Variants in NEK4 observed in about 807,000 individuals in gnomAD.
The protein encoded by NEK4 is serine/threonine-protein kinase Nek4.
Under a neutral mutation model 98.4 loss-of-function variants are expected in NEK4, and 86 were observed. That is an observed-to-expected ratio of 0.87 (90% CI 0.73 to 1.05). The LOEUF is 1.05. Ranked by LOEUF, NEK4 falls within the 50% of genes least tolerant of loss-of-function variation. The pLI, the probability that NEK4 is intolerant of heterozygous loss-of-function variation, is 0.00. For synonymous variants in NEK4, 328 were observed against 342.2 expected, an observed-to-expected ratio of 0.96 and a Z score of 0.46; for missense variants, 898 against 950.3, an observed-to-expected ratio of 0.94 and a Z score of 0.72.
chr3:52,739,242 T>C (rs773842267), intron 14 of NEK4, among the ~76,000 whole-genome samples, 187 bp downstream of exon 14: 5 of 151,946 alleles, frequency 3.3e-5, no homozygotes, highest in Non-Finnish European at 5.9e-5. Context: ...CTACCAAAAA[T>C]ACAAAAATTA....
At chr3:52,767,140 G>A (rs1434922944) in intron 2 of NEK4, among the ~76,000 whole-genome samples, 1 of 151,472 alleles carries the variant, frequency 6.6e-6, no homozygotes, top group Non-Finnish European at 1.5e-5. Flanking sequence ...ACAAAAATTA[G>A]CTGGGCATGG....
chr3:52,718,790 G>A (rs919890298), intron 15 of NEK4, among the ~76,000 whole-genome samples: 3 of 152,092 alleles, frequency 2.0e-5, no homozygotes, highest in African/African-American at 7.2e-5. Flanking sequence ...TTCCGCTCTC[G>A]TTGCCCAGGC....
intron 13 of NEK4, among the ~76,000 whole-genome samples, 198 bp downstream of exon 13, chr3:52,741,204 CCAGCCTGGG>C (rs1163340758): frequency 1.4e-5 from 2 of 147,476 alleles, no homozygotes; most frequent in Non-Finnish European, 3.0e-5. Context: ...CCACTGCACT[CCAGCCTGGG>C]CAACAAGAGC....
intron 6 of NEK4, chr3:52,754,649 C>CT (rs769060530): frequency 1.2e-4 from 82 of 682,558 alleles, no homozygotes; most frequent in Non-Finnish European, 1.7e-4. Context: ...TAAAGCCTGG[C>CT]TCAGTACAAT....
At chr3:52,754,557 G>A in intron 6 of NEK4, 2 of 1,346,718 alleles carry the variant, frequency 1.5e-6, no homozygotes, top group South Asian at 1.2e-5. Context: ...TTCTGTACAT[G>A]ATGAAGCCAG....
intron 15 of NEK4, among the ~76,000 whole-genome samples, chr3:52,727,704 C>T (rs753849886): frequency 1.3e-5 from 2 of 152,058 alleles, no homozygotes; most frequent in Non-Finnish European, 2.9e-5. Context: ...CTCCTGACCT[C>T]AAGTGATCCA....
At chr3:52,735,284 T>C (rs1436029700) in intron 15 of NEK4, among the ~76,000 whole-genome samples, 1 of 152,276 alleles carries the variant, frequency 6.6e-6, no homozygotes, top group Non-Finnish European at 1.5e-5. Flanking sequence ...TTAAAACATT[T>C]GTTAGAGCGA....
In NEK4 at chr3:52,770,656, G is replaced by A; in HGVS notation, c.91C>T (p.Gln31Ter). The A allele has an allele frequency of 6.4e-7, 1 of 1,552,522 alleles. No individual in the cohort carries two copies. Among genetic ancestry groups the A allele is most frequent in the Non-Finnish European group, 8.7e-7 (1 of 1,148,630 alleles). ...TLVKHRRDGK[Q>*]YVIKKLNLRN... ...TGCCGGGCCCCACCCCTGCAGACCTGCTTGCCGTCCCGCCGGTGCTTCACA... is the reference window on the plus strand; with the variant it reads ...TGCCGGGCCCCACCCCTGCAGACCTACTTGCCGTCCCGCCGGTGCTTCACA... The change falls in exon 1 of 16, where the codon CAG becomes TAG. Residue 31 changes from glutamine (Q) to a stop codon, truncating the protein, a stop_gained and splice_region_variant. Transcript: ENST00000233027. LOFTEE classifies it high-confidence loss of function.
intron 15 of NEK4, among the ~76,000 whole-genome samples, chr3:52,726,041 G>A (rs893186086): frequency 6.6e-6 from 1 of 151,918 alleles, no homozygotes; most frequent in African/African-American, 2.4e-5. Context: ...CACATAAATT[G>A]TAACCAAAGG....
chr3:52,710,067 A>T lies in NEK4; in HGVS notation c.*1710T>A, dbSNP rs1328395192. On this transcript the variant is annotated 3_prime_UTR_variant, in exon 16 of 16. Transcript: ENST00000233027. Reference sequence around the variant, plus strand: ...CTGGCACACAGTAAACTCTAAATAAAAATCTGTTAAGTGTGCCGGGCGCGG... The same window carrying T: ...CTGGCACACAGTAAACTCTAAATAATAATCTGTTAAGTGTGCCGGGCGCGG... 5 of 152,260 alleles carry T rather than the reference A, an allele frequency of 3.3e-5. No individual in the cohort carries two copies. The highest frequency in any genetic ancestry group is 1.2e-4 in the African/African-American group (5 of 41,438). 9.4% of individuals were successfully genotyped at this position (152,260 alleles called of 1,614,324 possible). A position where few individuals can be genotyped will look rare whatever the true frequency, so the allele number is the denominator to read the frequency against.
chr3:52,760,239 CAG>C (rs968359636), intron 6 of NEK4, among the ~76,000 whole-genome samples: 3 of 151,958 alleles, frequency 2.0e-5, no homozygotes, highest in African/African-American at 7.3e-5. Flanking sequence ...ATTTTTGAGA[CAG>C]TGTCTCATTC....
intron 15 of NEK4, among the ~76,000 whole-genome samples, chr3:52,726,229 T>G (rs921137227): frequency 1.3e-5 from 2 of 152,162 alleles, no homozygotes; most frequent in Non-Finnish European, 2.9e-5. Flanking sequence ...AAACAAACCA[T>G]GACTAATAGT....
At position 52,735,137 on chromosome 3, in the gene NEK4, T is replaced by C. The variant is rs77464914; in HGVS notation, c.2433+2449A>G. On this transcript the variant is annotated intron_variant, in intron 15 of 15. Transcript: ENST00000233027. ...GTATATATGAATTCTTTGAAAAGTATACTACTTTTATTTCTACTAATTTTA... is the reference window on the plus strand; with the variant it reads ...GTATATATGAATTCTTTGAAAAGTACACTACTTTTATTTCTACTAATTTTA... 1.4e-3 allele frequency: 209 copies of C among 153,546 alleles called. 1 individual carries two copies. Among genetic ancestry groups the C allele is most frequent in the Non-Finnish European group, 2.0e-3 (140 of 68,306 alleles). The allele number at this position is 153,546 out of a possible 1,614,324, so 9.5% of individuals were successfully genotyped here.
rs562822812 is a variant in NEK4 at position 52,753,306 on chromosome 3, A to G, written c.964-970T>C. Among the ~76,000 whole-genome samples, 16 of 152,220 alleles carry G rather than the reference A, an allele frequency of 1.1e-4. No homozygotes were observed. In the South Asian group the frequency reaches 3.3e-3, roughly 32 times the overall value. On this transcript the variant is annotated intron_variant, in intron 6 of 15. Coordinates refer to ENST00000233027, the MANE Select transcript of NEK4 (RefSeq NM_003157.6). ...GACACAGTTGAGATCCTGTCTCAGA[A>G]AAGAAAAGAAGTAAGCCAGGACAGG...
intron 6 of NEK4, among the ~76,000 whole-genome samples, chr3:52,758,665 A>T (rs75193656): frequency 5.8e-4 from 88 of 152,106 alleles, no homozygotes; most frequent in South Asian, 2.9e-3. Context: ...AAAAAAAAAA[A>T]TTTTAACTAA....
intron 13 of NEK4, among the ~76,000 whole-genome samples, chr3:52,740,220 T>C (rs1193240905): frequency 6.6e-6 from 1 of 151,806 alleles, no homozygotes; most frequent in Admixed American, 6.6e-5. Context: ...AAGAAATCAG[T>C]TAATAGAAAC....
intron 15 of NEK4, among the ~76,000 whole-genome samples, chr3:52,712,738 G>A (rs1028241296): frequency 1.3e-5 from 2 of 152,186 alleles, no homozygotes; most frequent in Non-Finnish European, 2.9e-5. Context: ...ACTCCACCTC[G>A]TTCTGCTGGT....
intron 15 of NEK4, among the ~76,000 whole-genome samples, chr3:52,735,689 C>T (rs2097374902): frequency 6.6e-6 from 1 of 152,206 alleles, no homozygotes; most frequent in African/African-American, 2.4e-5. Context: ...AGTAAGCACA[C>T]TTTGTCATTA....
intron 15 of NEK4, among the ~76,000 whole-genome samples, chr3:52,719,211 C>T (rs1399442426): frequency 6.6e-6 from 1 of 152,186 alleles, no homozygotes; most frequent in Non-Finnish European, 1.5e-5. Flanking sequence ...CAGCAAGCAA[C>T]TGAACCTGTG....
Sources: gnomAD v4.1 joint callset for allele counts (sites outside exome capture counted in the v4.1 genomes callset) on GRCh38, gnomAD v4.1.1 for gene constraint, MANE v1.5 for transcripts, NCBI Gene and HGNC (gene_info 2026-07-23, HGNC 2026-07-21) for gene names.